The following CTNNA3 variants were observed in gnomAD, a reference collection of about 807,000 sequenced individuals.
CTNNA3 encodes the protein catenin alpha-3.
A neutral mutation model predicts 95.7 loss-of-function variants in CTNNA3; 76 were observed. The observed-to-expected ratio is 0.79, with a 90% CI of 0.66 to 0.96. CTNNA3 has a LOEUF of 0.96. CTNNA3 is among the 40% of genes least tolerant of loss of function. CTNNA3 has a pLI of 0.00. For synonymous variants in CTNNA3, 431 were observed against 374.4 expected, an observed-to-expected ratio of 1.15 and a Z score of -1.74; for missense variants, 1,191 against 1,089.8, an observed-to-expected ratio of 1.09 and a Z score of -1.31.
At chr10:67,758,165 AACTGAACT>A (rs1841443633) in intron 1 of CTNNA3, among the ~76,000 whole-genome samples, 1 of 152,028 alleles carries the variant, frequency 6.6e-6, no homozygotes, top group Non-Finnish European at 1.5e-5. Flanking sequence ...TTCAGACCCG[AACTGAACT>A]ATACCACCAG....
intron 5 of CTNNA3, among the ~76,000 whole-genome samples, chr10:67,370,924 T>C (rs1843413374): frequency 6.7e-6 from 1 of 149,012 alleles, no homozygotes; most frequent in Admixed American, 6.7e-5. Flanking sequence ...TGGAGTGCAG[T>C]GGCGGGATCT....
rs182490263 is a variant in CTNNA3 at position 66,280,506 on chromosome 10, T to A, written c.1848A>T (p.Thr616=). 2.1e-5 allele frequency: 33 copies of A among 1,609,128 alleles called. No individual in the cohort carries two copies. In the Admixed American group the frequency reaches 4.6e-4, roughly 22 times the overall value. ...FVDISKKIYD[T]IHDIRCSVMM... ...TGACTGAACATCTGATATCATGAATTGTATCATAGATCTTCTTTGAGATGT... is the reference window on the plus strand; with the variant it reads ...TGACTGAACATCTGATATCATGAATAGTATCATAGATCTTCTTTGAGATGT... Residue 616 remains threonine (T), a synonymous_variant, in exon 13 of 18, where the codon ACA becomes ACT. Transcript: ENST00000433211.
rs1839839315 is a variant in CTNNA3, at chr10:66,766,129, T to C, written c.1281+135A>G. ...ATACAATCGGACATATACACCTTCATATTACTTTGGCCAGACTCTGCTGTA... is the reference window on the plus strand; with the variant it reads ...ATACAATCGGACATATACACCTTCACATTACTTTGGCCAGACTCTGCTGTA... On this transcript the variant is annotated intron_variant, in intron 9 of 17. Transcript: ENST00000433211. 8 of 765,810 alleles carry C rather than the reference T, an allele frequency of 1.0e-5. No individual in the cohort carries two copies. In the Admixed American group the frequency reaches 1.8e-4, roughly 18 times the overall value. 47.4% of individuals were successfully genotyped at this position (765,810 alleles called of 1,614,324 possible). A position where few individuals can be genotyped will look rare whatever the true frequency, so the allele number is the denominator to read the frequency against.
chr10:66,502,250 G>A (rs1000791157), intron 11 of CTNNA3, among the ~76,000 whole-genome samples: 1 of 152,116 alleles, frequency 6.6e-6, no homozygotes, highest in African/African-American at 2.4e-5. Context: ...ATTCTTAGGT[G>A]AGTTTCAGGT....
At chr10:66,142,154 T>C (rs1201753486) in intron 13 of CTNNA3, among the ~76,000 whole-genome samples, 1 of 152,190 alleles carries the variant, frequency 6.6e-6, no homozygotes, top group Non-Finnish European at 1.5e-5. Flanking sequence ...TAGGTCTTTA[T>C]CCATTTTTAG....
intron 11 of CTNNA3, among the ~76,000 whole-genome samples, chr10:66,509,485 G>A (rs531301136): frequency 7.2e-5 from 11 of 151,786 alleles, no homozygotes; most frequent in African/African-American, 2.7e-4. Flanking sequence ...TTTTTTACTA[G>A]TTTTATAGTT....
intron 7 of CTNNA3, among the ~76,000 whole-genome samples, chr10:67,072,963 G>C (rs966985409): frequency 1.1e-4 from 16 of 152,106 alleles, no homozygotes; most frequent in Non-Finnish European, 2.1e-4. Context: ...GATCCCTCAA[G>C]TCTCCAGTTT....
intron 11 of CTNNA3, among the ~76,000 whole-genome samples, chr10:66,493,903 CTTT>C (rs1181967222): frequency 1.0e-5 from 1 of 98,146 alleles, no homozygotes; most frequent in African/African-American, 5.3e-5. Flanking sequence ...CTGCGCCGGC[CTTT>C]TTTTTTTTTT....
At chr10:67,609,112 A>C (rs1182347194) in intron 2 of CTNNA3, among the ~76,000 whole-genome samples, 2 of 149,434 alleles carry the variant, frequency 1.3e-5, no homozygotes, top group African/African-American at 4.9e-5. Flanking sequence ...AAAAAAAAAC[A>C]ACCCATTTCT....
rs374801666 is a variant in CTNNA3, at chr10:66,187,760, C to T, written c.1885-84511G>A. 2.4e-4 allele frequency among the ~76,000 whole-genome samples: 37 copies of T among 152,020 alleles called. 1 individual carries two copies. In the South Asian group the frequency reaches 7.7e-3, roughly 32 times the overall value. ...GGAAAGTCATTAAACAAATAAACAA[C>T]AGCAACAGCAACAACAAAAACCAAT... On this transcript the variant is annotated intron_variant, in intron 13 of 17. Coordinates refer to ENST00000433211, the MANE Select transcript of CTNNA3 (RefSeq NM_013266.4).
intron 7 of CTNNA3, among the ~76,000 whole-genome samples, chr10:67,043,247 AGAT>A (rs1854518709): frequency 6.6e-6 from 1 of 151,908 alleles, no homozygotes; most frequent in African/African-American, 2.4e-5. Flanking sequence ...AACATCCCAC[AGAT>A]GATGAATGGT....
chr10:66,681,844 G>C (rs1459376441), intron 9 of CTNNA3, among the ~76,000 whole-genome samples: 6 of 152,022 alleles, frequency 3.9e-5, no homozygotes, highest in Non-Finnish European at 8.8e-5. Flanking sequence ...TTGGGGGTTT[G>C]TGTTTATTTC....
At chr10:66,417,700 A>G (rs1204464956) in intron 11 of CTNNA3, among the ~76,000 whole-genome samples, 3 of 152,050 alleles carry the variant, frequency 2.0e-5, no homozygotes, top group African/African-American at 7.2e-5. Flanking sequence ...CAGTGGAATA[A>G]AACAAGAAAT....
chr10:67,227,152 C>T (rs190801499), intron 5 of CTNNA3, among the ~76,000 whole-genome samples: 46 of 147,812 alleles, frequency 3.1e-4, no homozygotes, highest in Admixed American at 1.9e-3. Context: ...AGTGCAATGG[C>T]GCAATCTCAG....
intron 7 of CTNNA3, among the ~76,000 whole-genome samples, chr10:66,958,470 T>TA (rs910398956): frequency 6.7e-6 from 1 of 149,580 alleles, no homozygotes; most frequent in South Asian, 2.1e-4. Flanking sequence ...CTTTTTTTTT[T>TA]AAAAAAAATA....
At chr10:67,332,608 A>G (rs1841836885) in intron 5 of CTNNA3, among the ~76,000 whole-genome samples, 1 of 152,184 alleles carries the variant, frequency 6.6e-6, no homozygotes, top group Non-Finnish European at 1.5e-5. Context: ...TGCAGAATGA[A>G]ATCAGGTAAA....
Position 67,539,545 on chromosome 10 carries a change from C to T in CTNNA3, c.417G>A (p.Ala139=), listed in dbSNP as rs1204895034. ...AGAGGCACATGACATCAATCATGTC[C>T]GCAAGGATAAGGAGTCTCGTCACCG... is the stretch of plus-strand genomic sequence containing the variant. ...LAAVTRLLIL[A]DMIDVMCLLQ... Residue 139 remains alanine, a synonymous_variant, in exon 4 of 18, where the codon GCG becomes GCA. Transcript: ENST00000433211. 3.7e-6 allele frequency: 6 copies of T among 1,613,560 alleles called. No homozygotes were observed. Among genetic ancestry groups the T allele is most frequent in the Admixed American group, 1.7e-5 (1 of 59,950 alleles).
intron 14 of CTNNA3, among the ~76,000 whole-genome samples, chr10:66,084,595 C>A (rs535318793): frequency 6.6e-6 from 1 of 152,000 alleles, no homozygotes; most frequent in Non-Finnish European, 1.5e-5. Context: ...AAAAAAAATT[C>A]TTAGAAAAAG....
At chr10:66,724,242 T>C (rs562258146) in intron 9 of CTNNA3, among the ~76,000 whole-genome samples, 1 of 152,322 alleles carries the variant, frequency 6.6e-6, no homozygotes, top group South Asian at 2.1e-4. Context: ...ACAAACCCTA[T>C]TCATGCTTTT....
Sources: allele counts gnomAD v4.1 joint callset (sites outside exome capture counted in the v4.1 genomes callset), GRCh38; gene constraint gnomAD v4.1.1; transcripts MANE v1.5; gene names NCBI Gene and HGNC (gene_info 2026-07-23, HGNC 2026-07-21).